Variants in PDE10A observed in about 807,000 individuals in gnomAD.
PDE10A encodes phosphodiesterase 10A.
In PDE10A, 39 loss-of-function variants were observed where a neutral mutation model predicts 97.7. The observed-to-expected ratio is 0.40, with a 90% CI of 0.31 to 0.52. The LOEUF is 0.52. PDE10A is among the 20% of genes least tolerant of loss of function. The pLI is 0.56. For synonymous variants in PDE10A, 371 were observed against 376.8 expected (o/e 0.98, Z 0.18); for missense variants, 731 against 1,047.8 (o/e 0.70, Z 4.17).
chr6:165,625,781 T>G (rs1042613055), intron 1 of PDE10A, among the ~76,000 whole-genome samples: 3 of 152,222 alleles, frequency 2.0e-5, no homozygotes, highest in Admixed American at 6.5e-5. Context: ...CGCAGCCACA[T>G]GGAACTGTGA....
intron 1 of PDE10A, among the ~76,000 whole-genome samples, chr6:165,878,758 G>GT (rs1781406643): frequency 6.6e-6 from 1 of 152,190 alleles, no homozygotes; most frequent in African/African-American, 2.4e-5. Flanking sequence ...TATAAGAAGG[G>GT]TCACATCGGT....
Position 165,662,041 on chromosome 6 carries a change from G to A in PDE10A, c.771C>T (p.Ala257=), listed in dbSNP as rs1169488258. 2 of 1,476,552 alleles carry A rather than the reference G, an allele frequency of 1.4e-6. No homozygotes were observed. The highest frequency in any genetic ancestry group is 2.9e-5 in the East Asian group (1 of 33,930). 91.5% of individuals were successfully genotyped at this position (1,476,552 alleles called of 1,614,324 possible). ...CGGAGCCGAAGAGCAGCGCGGCCGC[G>A]GCGGCGAGGGCGAAGCTGGCGCCCT... ...RPQGASFALA[A]AAALLFGSDM... Residue 257 remains alanine, a synonymous_variant, in exon 1 of 22, where the codon GCC becomes GCT. Coordinates refer to ENST00000539869, the MANE Select transcript of PDE10A (RefSeq NM_001385079.1).
At chr6:165,619,202 A>AG (rs879880433) in intron 1 of PDE10A, among the ~76,000 whole-genome samples, 17,306 of 75,362 alleles carry the variant, frequency 0.23, 2,260 homozygotes, top group African/African-American at 0.42. Context: ...GTGTAGTGTA[A>AG]TGTAGTGCAG....
Position 165,767,070 on chromosome 6 carries a change from T to C in PDE10A, c.-615+220459A>G, listed in dbSNP as rs1167130969. 2.0e-5 allele frequency among the ~76,000 whole-genome samples: 3 copies of C among 152,238 alleles called. No individual in the cohort carries two copies. In the East Asian group the frequency reaches 5.8e-4, roughly 29 times the overall value. On this transcript the variant is annotated intron_variant, in intron 1 of 19. Transcript: ENST00000366882. The stretch of plus-strand genomic sequence containing the variant: ...GAACAGAGATGCTTTCTTGTGCTTC[T>C]ACATTAAAAAACGGGCTTTTGGATT...
intron 1 of PDE10A, among the ~76,000 whole-genome samples, chr6:165,913,063 G>A (rs1304816523): frequency 2.6e-5 from 4 of 152,114 alleles, no homozygotes; most frequent in African/African-American, 7.2e-5. Context: ...CTCATGTGAT[G>A]GGTGTGCAAG....
chr6:165,720,458 A>G (rs778719927), intron 1 of PDE10A, among the ~76,000 whole-genome samples: 24 of 152,206 alleles, frequency 1.6e-4, no homozygotes, highest in Non-Finnish European at 3.1e-4. Flanking sequence ...CACAGCGTTC[A>G]ACTGGCAACT....
chr6:165,790,487 A>G (rs913027358), intron 1 of PDE10A, among the ~76,000 whole-genome samples: 9 of 152,202 alleles, frequency 5.9e-5, no homozygotes, highest in Non-Finnish European at 1.0e-4. Flanking sequence ...ATAAGCCAAT[A>G]AGCAGCATCC....
intron 1 of PDE10A, among the ~76,000 whole-genome samples, chr6:165,749,383 CCAT>C (rs1409248015): frequency 3.5e-3 from 79 of 22,588 alleles, no homozygotes; most frequent in African/African-American, 0.01. Context: ...ATCACCACCA[CCAT>C]CATCACCATT....
intron 1 of PDE10A, among the ~76,000 whole-genome samples, chr6:165,929,177 G>A (rs1298513287): frequency 5.9e-5 from 9 of 152,098 alleles, no homozygotes; most frequent in Admixed American, 4.6e-4. Flanking sequence ...GCGGGCATTC[G>A]GTAAACTGGT....
intron 2 of PDE10A, among the ~76,000 whole-genome samples, chr6:165,502,505 G>A (rs1358457651): frequency 9.2e-5 from 14 of 152,100 alleles, no homozygotes; most frequent in African/African-American, 3.4e-4. Context: ...TCATTAAAAC[G>A]TTTAACATTT....
chr6:165,705,468 A>C (rs894028628), intron 1 of PDE10A, among the ~76,000 whole-genome samples: 2 of 152,232 alleles, frequency 1.3e-5, no homozygotes, highest in African/African-American at 4.8e-5. Flanking sequence ...TTTAGACTTC[A>C]GTAAGCTCCC....
chr6:165,612,878 A>G (rs975402532), intron 1 of PDE10A, among the ~76,000 whole-genome samples: 2 of 152,230 alleles, frequency 1.3e-5, no homozygotes, highest in African/African-American at 4.8e-5. Flanking sequence ...TGTTTTAACT[A>G]ATAGGGCATA....
chr6:165,796,091 C>CTTTTTTTTTTTTTTTTTT (rs1168771487), intron 1 of PDE10A, among the ~76,000 whole-genome samples: 4 of 108,814 alleles, frequency 3.7e-5, no homozygotes, highest in Non-Finnish European at 5.4e-5. Flanking sequence ...TTTTTCTTTT[C>CTTTTTTTTTTTTTTTTTT]TTTTTTTTTT....
At chr6:165,973,817 T>A (rs1784770893) in intron 1 of PDE10A, among the ~76,000 whole-genome samples, 1 of 152,190 alleles carries the variant, frequency 6.6e-6, no homozygotes, top group African/African-American at 2.4e-5. Context: ...TCATGTAAAG[T>A]TTTTTTATTC....
chr6:165,466,649 C>T (rs903898658), intron 3 of PDE10A, among the ~76,000 whole-genome samples: 1 of 152,088 alleles, frequency 6.6e-6, no homozygotes. Context: ...ATTATTGTAC[C>T]TGTTAAGGTG....
rs760870287 is a variant in PDE10A at position 165,332,846 on chromosome 6, G to C, written c.*179C>G. 3.9e-5 allele frequency: 23 copies of C among 586,860 alleles called. No individual in the cohort carries two copies. Among genetic ancestry groups the C allele is most frequent in the Non-Finnish European group, 6.7e-5 (22 of 329,662 alleles). 36.4% of individuals were successfully genotyped at this position (586,860 alleles called of 1,614,324 possible). A position where few individuals can be genotyped will look rare whatever the true frequency, so the allele number is the denominator to read the frequency against. On this transcript the variant is annotated 3_prime_UTR_variant, in exon 22 of 22. Transcript: ENST00000539869. The stretch of plus-strand genomic sequence containing the variant: ...TGCTCAGTGTCTATGATGCCTCACA[G>C]AAGAGATTGGCAGGAAGTCCTCTGC...
chr6:165,505,623 A>G (rs1781148841), intron 2 of PDE10A, among the ~76,000 whole-genome samples: 1 of 152,224 alleles, frequency 6.6e-6, no homozygotes, highest in African/African-American at 2.4e-5. Context: ...GTGGTCTCCA[A>G]CATATTAAAA....
At chr6:165,914,456 T>G (rs1191337877) in intron 1 of PDE10A, among the ~76,000 whole-genome samples, 2 of 152,202 alleles carry the variant, frequency 1.3e-5, no homozygotes, top group African/African-American at 4.8e-5. Context: ...TCCACCAAGT[T>G]GCCCCTCACG....
intron 1 of PDE10A, among the ~76,000 whole-genome samples, chr6:165,955,757 C>T (rs546679750): frequency 5.3e-5 from 8 of 152,142 alleles, no homozygotes; most frequent in Admixed American, 3.9e-4. Flanking sequence ...ATTCTAGTAA[C>T]GTGTTAACTA....
Sources: gnomAD v4.1 joint callset for allele counts (sites outside exome capture counted in the v4.1 genomes callset) on GRCh38, gnomAD v4.1.1 for gene constraint, MANE v1.5 for transcripts, NCBI Gene and HGNC (gene_info 2026-07-23, HGNC 2026-07-21) for gene names.